INTS15: variants seen among roughly 807,000 people sequenced by gnomAD.
The protein encoded by INTS15 is uncharacterized protein C7orf26.
the INTS15 span, chr7:6,602,748 A>C: frequency 4.2e-6 from 2 of 471,172 alleles, no homozygotes; most frequent in East Asian, 1.4e-4. Flanking sequence ...AAACGCAGTC[A>C]TCAGGTGAAA....
the INTS15 span, among the ~76,000 whole-genome samples, chr7:6,597,386 C>T: frequency 6.6e-6 from 1 of 150,404 alleles, no homozygotes; most frequent in Non-Finnish European, 1.5e-5. Context: ...CCTCCATGTC[C>T]CAGGTTTAAG....
At chr7:6,590,282 C>T in the INTS15 span, 4 of 1,552,900 alleles carry the variant, frequency 2.6e-6, no homozygotes, top group Middle Eastern at 2.3e-4. Flanking sequence ...GGCGGCCGCA[C>T]CATGAGCGAC....
At chr7:6,602,857 C>G in the INTS15 span, 14 of 415,152 alleles carry the variant, frequency 3.4e-5, no homozygotes, top group African/African-American at 2.9e-4. Flanking sequence ...GCCTGAAGTC[C>G]TCATGTGTAA....
chr7:6,608,045 C>G, the INTS15 span: 1 of 1,599,518 alleles, frequency 6.3e-7, no homozygotes, highest in Non-Finnish European at 8.5e-7. Context: ...CATCCACACG[C>G]CCCCGCTGGG....
chr7:6,599,989 C>T, the INTS15 span: 48 of 1,614,020 alleles, frequency 3.0e-5, no homozygotes, highest in Non-Finnish European at 3.7e-5. Context: ...TCCGCTGGTG[C>T]GTGAAGGCAC....
At chr7:6,598,798 T>TC in the INTS15 span, among the ~76,000 whole-genome samples, 2 of 148,236 alleles carry the variant, frequency 1.3e-5, no homozygotes, top group Non-Finnish European at 3.0e-5. Context: ...TTTTTTTTTT[T>TC]TTTCCTGAGG....
the INTS15 span, among the ~76,000 whole-genome samples, chr7:6,591,431 A>G: frequency 6.6e-6 from 1 of 151,296 alleles, no homozygotes; most frequent in African/African-American, 2.4e-5. Flanking sequence ...CATGCCGGCT[A>G]ATTGTTGTAT....
chr7:6,604,466 G>A, the INTS15 span, among the ~76,000 whole-genome samples: 1 of 152,178 alleles, frequency 6.6e-6, no homozygotes, highest in African/African-American at 2.4e-5. Context: ...TTATAGAAAT[G>A]ACAAAGTGAG....
At chr7:6,606,984 C>G in the INTS15 span, among the ~76,000 whole-genome samples, 2 of 152,146 alleles carry the variant, frequency 1.3e-5, no homozygotes, top group Non-Finnish European at 2.9e-5. Flanking sequence ...CAGGCGTGAG[C>G]CACCAGACCC....
chr7:6,598,735 T>TCGTGTGTG, the INTS15 span, among the ~76,000 whole-genome samples: 1 of 83,618 alleles, frequency 1.2e-5, no homozygotes, highest in Non-Finnish European at 2.1e-5. Flanking sequence ...GCTGTATGCT[T>TCGTGTGTG]TGTGTGTGTG....
the INTS15 span, among the ~76,000 whole-genome samples, chr7:6,598,788 T>TGTGTGTGTGTGTGTGTGTGTGTG: frequency 1.3e-4 from 5 of 39,194 alleles, no homozygotes; most frequent in Admixed American, 3.0e-4. Context: ...TGTGTGTGTA[T>TGTGTGTGTGTGTGTGTGTGTGTG]TTTTTTTTTT....
the INTS15 span, among the ~76,000 whole-genome samples, chr7:6,600,878 G>T: frequency 1.3e-5 from 2 of 152,008 alleles, no homozygotes; most frequent in Admixed American, 1.3e-4. Context: ...ATGGTCACCT[G>T]GTGCCACCTC....
chr7:6,597,730 C>G, the INTS15 span, among the ~76,000 whole-genome samples: 2 of 152,170 alleles, frequency 1.3e-5, no homozygotes, highest in East Asian at 1.9e-4. Flanking sequence ...AGATCTGAAA[C>G]TGTTTTTCTC....
the INTS15 span, among the ~76,000 whole-genome samples, chr7:6,598,735 T>TGTGTGTGTGTGTGTGTGTGTG: frequency 1.2e-5 from 1 of 83,618 alleles, no homozygotes; most frequent in Non-Finnish European, 2.1e-5. Context: ...GCTGTATGCT[T>TGTGTGTGTGTGTGTGTGTGTG]TGTGTGTGTG....
At chr7:6,593,561 C>G in the INTS15 span, among the ~76,000 whole-genome samples, 1 of 151,646 alleles carries the variant, frequency 6.6e-6, no homozygotes. Flanking sequence ...GTCTCGATCT[C>G]CTGACCTTGT....
the INTS15 span, among the ~76,000 whole-genome samples, chr7:6,603,633 G>GT: frequency 6.6e-6 from 1 of 151,840 alleles, no homozygotes; most frequent in Admixed American, 6.6e-5. Flanking sequence ...GAGGTCAGGA[G>GT]TTTGAGTCCA....
chr7:6,594,421 T>C, the INTS15 span: 1 of 1,613,990 alleles, frequency 6.2e-7, no homozygotes, highest in African/African-American at 1.3e-5. Flanking sequence ...GTGGACTGTG[T>C]GGCTTCTTTC....
At chr7:6,607,670 CCGCAGAGGCTGA>C in the INTS15 span, 1 of 1,510,206 alleles carries the variant, frequency 6.6e-7, no homozygotes, top group Non-Finnish European at 8.9e-7. The surrounding 1 kb of genome is among the most constrained non-coding windows in gnomAD (Gnocchi z 6.0). Context: ...CAGCAGAGAG[CCGCAGAGGCTGA>C]CGTGGAGGCC....
At chr7:6,606,178 G>A in the INTS15 span, among the ~76,000 whole-genome samples, 1 of 152,214 alleles carries the variant, frequency 6.6e-6, no homozygotes, top group Non-Finnish European at 1.5e-5. Flanking sequence ...CTCTTGCTAA[G>A]TTACTTACCC....
Sources: gnomAD v4.1 joint callset for allele counts (sites outside exome capture counted in the v4.1 genomes callset) on GRCh38, gnomAD v4.1.1 for gene constraint, Gnocchi (gnomAD v3.1) non-coding constraint, MANE v1.5 for transcripts, NCBI Gene and HGNC (gene_info 2026-07-23, HGNC 2026-07-21) for gene names.